The following LIAS variants were observed in gnomAD, a reference collection of about 807,000 sequenced individuals.
LIAS encodes the protein lipoyl synthase, mitochondrial.
A neutral mutation model predicts 49.4 loss-of-function variants in LIAS; 36 were observed. The observed-to-expected ratio is 0.73, with a 90% CI of 0.56 to 0.96. The LOEUF is 0.96. Among genes scored for constraint, LIAS ranks in the 40% least tolerant of loss-of-function variants. The pLI is 0.00. For synonymous variants in LIAS, 145 were observed against 155.8 expected, an observed-to-expected ratio of 0.93 and a Z score of 0.52; for missense variants, 399 against 456.3, an observed-to-expected ratio of 0.87 and a Z score of 1.14.
In LIAS at chr4:39,463,155, G is replaced by A. The variant is rs139226215; in HGVS notation, c.313-370G>A. ...GCTCTGTTGTCTATGCTGGAGTGCT[G>A]TGGTACAATTGCCTTGACCTCCCAG... On this transcript the variant is annotated intron_variant, in intron 3 of 10. Transcript: ENST00000640888. Among the ~76,000 whole-genome samples the A allele has an allele frequency of 5.0e-4, 73 of 146,466 alleles. No individual in the cohort carries two copies. The East Asian group carries it at 0.012, about 25-fold the overall frequency.
At chr4:39,465,262 G>T in intron 5 of LIAS, 23 bp from the exon 6 acceptor site, 1 of 1,613,002 alleles carries the variant, frequency 6.2e-7, no homozygotes, top group Non-Finnish European at 8.5e-7. Flanking sequence ...ATCATCCTGA[G>T]CAGTGGATTC....
chr4:39,460,601 C>T (rs1441039173), intron 1 of LIAS, among the ~76,000 whole-genome samples, 189 bp from the exon 2 acceptor site: 3 of 151,048 alleles, frequency 2.0e-5, no homozygotes, highest in Admixed American at 2.0e-4. Context: ...TCAACTCTTA[C>T]TCTCTTTTAG....
chr4:39,459,935 G>A (rs1234537084), intron 1 of LIAS, among the ~76,000 whole-genome samples: 5 of 151,630 alleles, frequency 3.3e-5, no homozygotes, highest in Admixed American at 2.0e-4. Context: ...ACTCCAACCT[G>A]GGCGACAGAG....
intron 4 of LIAS, 147 bp from the exon 5 acceptor site, chr4:39,464,899 T>G: frequency 1.7e-6 from 1 of 599,836 alleles, no homozygotes; most frequent in Non-Finnish European, 2.9e-6. Context: ...TTATGTTCCT[T>G]GACTATCATT....
Position 39,469,748 on chromosome 4 carries a change from T to C in LIAS, c.738-271T>C, listed in dbSNP as rs1744909271. The C allele has an allele frequency of 9.7e-6, 3 of 308,572 alleles. No individual in the cohort carries two copies. In the South Asian group the frequency reaches 3.6e-4, roughly 37 times the overall value. 19.1% of individuals were successfully genotyped at this position (308,572 alleles called of 1,614,324 possible). ...TTTTTTTCCTTTCTCTTCTAATTTT[T>C]CGCTTCAGAATTCTGGTTTCTCAAT... On this transcript the variant is annotated intron_variant, in intron 7 of 10. Transcript: ENST00000640888.
At chr4:39,472,219 GA>G (rs2109886572) in intron 9 of LIAS, among the ~76,000 whole-genome samples, 1 of 151,926 alleles carries the variant, frequency 6.6e-6, no homozygotes, top group South Asian at 2.1e-4. Flanking sequence ...ATAAGGAAAA[GA>G]AAATATATTT....
chr4:39,463,775 T>C (rs1399900671), intron 4 of LIAS, 170 bp downstream of exon 4: 7 of 1,257,528 alleles, frequency 5.6e-6, no homozygotes, highest in Non-Finnish European at 7.1e-6. Flanking sequence ...CCTGTTGTAA[T>C]CTCACCCTTC....
rs1443460535 is a variant in LIAS at position 39,478,013 on chromosome 4, C to T, written c.*898C>T. 6.6e-6 allele frequency: 1 copy of T among 151,976 alleles called. No individual in the cohort carries two copies. Among genetic ancestry groups the T allele is most frequent in the Admixed American group, 6.6e-5 (1 of 15,258 alleles). The allele number at this position is 151,976 out of a possible 1,614,324, so 9.4% of individuals were successfully genotyped here. On this transcript the variant is annotated 3_prime_UTR_variant, in exon 11 of 11. Transcript: ENST00000640888. ...ACCCAAAAACTTCCAGAAGATTTTC[C>T]AATCCACTGTTAACATCATTACATT...
At chr4:39,468,500 A>ATAT (rs1397366931) in intron 7 of LIAS, 141 of 122,080 alleles carry the variant, frequency 1.2e-3, no homozygotes, top group South Asian at 8.2e-3. Context: ...AAGGAAAAAA[A>ATAT]AAATATATAT....
intron 6 of LIAS, chr4:39,466,440 C>T (rs1323349010): frequency 6.6e-6 from 1 of 152,052 alleles, no homozygotes; most frequent in African/African-American, 2.4e-5. Context: ...GCAATAGAAC[C>T]AAGCACAGTG....
intron 1 of LIAS, among the ~76,000 whole-genome samples, chr4:39,459,763 C>T (rs1373404012): frequency 6.6e-6 from 1 of 152,150 alleles, no homozygotes; most frequent in African/African-American, 2.4e-5. Flanking sequence ...TAAAAACGTT[C>T]ATCCTGGCCA....
intron 2 of LIAS, 37 bp downstream of exon 2, chr4:39,460,999 C>T: frequency 6.5e-7 from 1 of 1,527,616 alleles, no homozygotes. Flanking sequence ...ACGTCCCGTT[C>T]CTTTATTGTG....
rs887048422 is a variant in LIAS, at chr4:39,479,149, G to T, written c.*2034G>T. 2 of 152,138 alleles carry T rather than the reference G, an allele frequency of 1.3e-5. No individual in the cohort carries two copies. The highest frequency in any genetic ancestry group is 4.8e-5 in the African/African-American group (2 of 41,416). The allele number at this position is 152,138 out of a possible 1,614,324, so 9.4% of individuals were successfully genotyped here. A position where few individuals can be genotyped will look rare whatever the true frequency, so the allele number is the denominator to read the frequency against. On this transcript the variant is annotated 3_prime_UTR_variant, in exon 11 of 11. Coordinates refer to ENST00000640888, the MANE Select transcript of LIAS (RefSeq NM_006859.4). ...CACTTGAACCTGACAGGCAGAGGTTGCAGTGAGCTGAGATCACATCACTGT... is the reference window on the plus strand; with the variant it reads ...CACTTGAACCTGACAGGCAGAGGTTTCAGTGAGCTGAGATCACATCACTGT...
At position 39,460,778 on chromosome 4, in the gene LIAS, C is replaced by T. The variant is rs1253649368; in HGVS notation, c.46-12C>T. The T allele has an allele frequency of 1.9e-6, 3 of 1,550,562 alleles. No individual in the cohort carries two copies. Among genetic ancestry groups the T allele is most frequent in the Non-Finnish European group, 2.6e-6 (3 of 1,151,726 alleles). ...TCCACTAAATAAACGTCATAATTAA[C>T]TCTTTCTTTAGGTATTTGGGAGATA... On this transcript the variant is annotated splice_polypyrimidine_tract_variant and intron_variant, in intron 1 of 10. Coordinates refer to ENST00000640888, the MANE Select transcript of LIAS (RefSeq NM_006859.4).
At position 39,462,225 on chromosome 4, in the gene LIAS, A is replaced by G; in HGVS notation, c.248A>G (p.Glu83Gly). Residue 83 changes from glutamate to glycine, a missense_variant, in exon 3 of 11, where the codon GAG (glutamate) becomes GGG (glycine). Transcript: ENST00000640888. ...AGACTACCTCCATGGCTAAAGACAGAGATTCCCATGGGGAAAAATTACAAT... is the reference window on the plus strand; with the variant it reads ...AGACTACCTCCATGGCTAAAGACAGGGATTCCCATGGGGAAAAATTACAAT... Reference protein sequence around the residue: ...RLRLPPWLKTEIPMGKNYNKL... With the variant: ...RLRLPPWLKTGIPMGKNYNKL... 1 of 1,562,068 alleles carries G rather than the reference A, an allele frequency of 6.4e-7. No individual in the cohort carries two copies. Among genetic ancestry groups the G allele is most frequent in the Non-Finnish European group, 8.6e-7 (1 of 1,156,870 alleles).
intron 7 of LIAS, chr4:39,468,487 A>G (rs1165185929): frequency 1.6e-5 from 2 of 125,006 alleles, no homozygotes; most frequent in African/African-American, 6.1e-5. Context: ...ATCTAGAAAG[A>G]GAAAGGAAAA....
At chr4:39,460,672 T>G in intron 1 of LIAS, 118 bp from the exon 2 acceptor site, 1 of 729,076 alleles carries the variant, frequency 1.4e-6, no homozygotes, top group Non-Finnish European at 2.2e-6. Context: ...GCTCCTAGTT[T>G]GACATAATTT....
intron 3 of LIAS, among the ~76,000 whole-genome samples, chr4:39,462,909 C>T (rs1744583219): frequency 1.3e-5 from 2 of 152,148 alleles, no homozygotes; most frequent in African/African-American, 4.8e-5. Flanking sequence ...ATCACTTGAG[C>T]TTGGGAGGTG....
chr4:39,461,772 G>A (rs933996808), intron 2 of LIAS, among the ~76,000 whole-genome samples: 14 of 152,336 alleles, frequency 9.2e-5, no homozygotes, highest in East Asian at 5.8e-4. Context: ...TTGGCTCACT[G>A]CAAGCTCCGC....
Sources: allele counts gnomAD v4.1 joint callset (sites outside exome capture counted in the v4.1 genomes callset), GRCh38; gene constraint gnomAD v4.1.1; transcripts MANE v1.5; gene names NCBI Gene and HGNC (gene_info 2026-07-23, HGNC 2026-07-21).